Variants in MGAT4C observed in about 807,000 individuals in gnomAD.
MGAT4C encodes the protein MGAT4 family member C.
A neutral mutation model predicts 40.1 loss-of-function variants in MGAT4C; 19 were observed. The observed-to-expected ratio is 0.47, with a 90% confidence interval of 0.33 to 0.70. The LOEUF (loss-of-function observed/expected upper bound fraction) is 0.70. Among genes scored for constraint, MGAT4C ranks in the 30% least tolerant of loss-of-function variants. MGAT4C has a pLI of 0.02. For missense variants in MGAT4C, 491 were observed against 563.2 expected (o/e 0.87, Z 1.30); for synonymous variants, 181 against 187.1 (o/e 0.97, Z 0.27).
At chr12:86,664,721 C>A (rs1964062104) in intron 2 of MGAT4C, among the ~76,000 whole-genome samples, 1 of 152,022 alleles carries the variant, frequency 6.6e-6, no homozygotes, top group Non-Finnish European at 1.5e-5. Flanking sequence ...ATTAAAAAAT[C>A]TTATTATTCA....
chr12:86,549,662 G>A (rs1047244633), intron 2 of MGAT4C, among the ~76,000 whole-genome samples: 3 of 152,138 alleles, frequency 2.0e-5, no homozygotes, highest in African/African-American at 4.8e-5. Flanking sequence ...GCTGAGTAAC[G>A]TCAGCAAGAC....
In MGAT4C at chr12:86,469,467, G is replaced by C. The variant is rs150413331; in HGVS notation, c.-228-34202C>G. Among the ~76,000 whole-genome samples, 385 of 152,250 alleles carry C rather than the reference G, an allele frequency of 2.5e-3. 3 individuals carry two copies. Among genetic ancestry groups the C allele is most frequent in the Non-Finnish European group, 4.4e-3 (302 of 68,014 alleles). On this transcript the variant is annotated intron_variant, in intron 2 of 7. Coordinates refer to the MGAT4C transcript ENST00000548651. Reference sequence around the variant, plus strand: ...GCTGTCATGTTGTACTCTCTGGATAGGCACACACAGCAAGGAACTGAAGAA... The same window carrying C: ...GCTGTCATGTTGTACTCTCTGGATACGCACACACAGCAAGGAACTGAAGAA...
chr12:85,980,292 T>C lies in MGAT4C; in HGVS notation c.434A>G (p.Asn145Ser), dbSNP rs1884418049. 1.2e-6 allele frequency: 2 copies of C among 1,613,962 alleles called. No homozygotes were observed. Among genetic ancestry groups the C allele is most frequent in the Admixed American group, 1.7e-5 (1 of 59,978 alleles). ...ISVVVHLADFNSSWRDAMVQD... is the reference protein window; with the variant it reads ...ISVVVHLADFSSSWRDAMVQD... The stretch of plus-strand genomic sequence containing the variant: ...GACCATGGCATCACGCCAGGAAGAA[T>C]TAAAGTCTGCTAGGTGAACCACCAC... Residue 145 changes from asparagine to serine, a missense_variant, in exon 5 of 5, where the codon AAT (asparagine) becomes AGT (serine). By Grantham distance (46) the Asn-to-Ser change is conservative. Coordinates refer to ENST00000611864, the MANE Select transcript of MGAT4C (RefSeq NM_001351288.2).
intron 2 of MGAT4C, among the ~76,000 whole-genome samples, chr12:86,036,377 G>T (rs11503597): frequency 6.7e-6 from 1 of 149,680 alleles, no homozygotes; most frequent in East Asian, 1.9e-4. Context: ...GAGAGAGGGC[G>T]TCCGTGTCTT....
chr12:86,051,684 T>G (rs1448512626), intron 1 of MGAT4C, among the ~76,000 whole-genome samples: 1 of 151,566 alleles, frequency 6.6e-6, no homozygotes, highest in Non-Finnish European at 1.5e-5. Context: ...AGTTTTCTAA[T>G]TATTAATATT....
chr12:86,104,251 G>A (rs1366544533), intron 1 of MGAT4C, among the ~76,000 whole-genome samples: 2 of 139,024 alleles, frequency 1.4e-5, no homozygotes, highest in Non-Finnish European at 3.1e-5. Context: ...GCAAAACTCC[G>A]TCTCTACTTA....
At chr12:86,596,992 C>T (rs1160397198) in intron 2 of MGAT4C, among the ~76,000 whole-genome samples, 1 of 152,140 alleles carries the variant, frequency 6.6e-6, no homozygotes, top group Non-Finnish European at 1.5e-5. Flanking sequence ...AATGTTAAAA[C>T]AGATATCATA....
chr12:86,445,004 C>T (rs1357279285), intron 2 of MGAT4C, among the ~76,000 whole-genome samples: 1 of 152,150 alleles, frequency 6.6e-6, no homozygotes, highest in Non-Finnish European at 1.5e-5. Flanking sequence ...AGCAGATCAG[C>T]TGTTGCCTGG....
At chr12:86,002,700 T>A (rs1013430579) in intron 2 of MGAT4C, among the ~76,000 whole-genome samples, 4 of 149,346 alleles carry the variant, frequency 2.7e-5, no homozygotes, top group East Asian at 1.9e-4. Context: ...ATTCTATATA[T>A]ATAGAATATA....
At chr12:86,101,786 C>A (rs1304676348) in intron 1 of MGAT4C, among the ~76,000 whole-genome samples, 13 of 151,800 alleles carry the variant, frequency 8.6e-5, no homozygotes, top group Non-Finnish European at 1.0e-4. Context: ...GCTACTCTAC[C>A]AACTGACTTT....
chr12:86,573,852 G>A (rs1960460601), intron 2 of MGAT4C, among the ~76,000 whole-genome samples: 1 of 151,892 alleles, frequency 6.6e-6, no homozygotes, highest in East Asian at 1.9e-4. Flanking sequence ...AGAACTCATT[G>A]ATTGCATATT....
At chr12:86,184,302 G>A (rs1380286269) in intron 1 of MGAT4C, among the ~76,000 whole-genome samples, 1 of 151,684 alleles carries the variant, frequency 6.6e-6, no homozygotes, top group Non-Finnish European at 1.5e-5. Flanking sequence ...ACTTGAACCT[G>A]GGAGGCAGAA....
chr12:86,427,906 G>A (rs1407636531), intron 3 of MGAT4C, among the ~76,000 whole-genome samples: 2 of 152,144 alleles, frequency 1.3e-5, no homozygotes, highest in Non-Finnish European at 2.9e-5. Context: ...TGTAGTTCCA[G>A]CTACTCGGGA....
Position 86,357,010 on chromosome 12 carries a change from G to T in MGAT4C, c.-119-22883C>A, listed in dbSNP as rs1214456254. On this transcript the variant is annotated intron_variant, in intron 3 of 7. Transcript: ENST00000548651. ...CCACAGAGTTTGAGATCTGAGAATG[G>T]ATAGACTGCCTCCTCAAGTGTGTCC... Among the ~76,000 whole-genome samples the T allele has an allele frequency of 2.6e-5, 4 of 152,284 alleles. No homozygotes were observed. In the South Asian group the frequency reaches 6.2e-4, roughly 24 times the overall value.
chr12:86,558,173 T>C (rs1468465608), intron 2 of MGAT4C, among the ~76,000 whole-genome samples: 1 of 151,014 alleles, frequency 6.6e-6, no homozygotes, highest in Non-Finnish European at 1.5e-5. Context: ...CAAAAGAAAA[T>C]AAAAGAAAGA....
chr12:86,607,982 T>C (rs963618387), intron 2 of MGAT4C, among the ~76,000 whole-genome samples: 1 of 152,222 alleles, frequency 6.6e-6, no homozygotes, highest in South Asian at 2.1e-4. Flanking sequence ...GCAATCCTTC[T>C]CCCTCAGCCT....
intron 2 of MGAT4C, among the ~76,000 whole-genome samples, chr12:86,035,833 A>T (rs942321134): frequency 6.7e-6 from 1 of 149,962 alleles, no homozygotes; most frequent in South Asian, 2.1e-4. Context: ...TTAAATAGGG[A>T]ATCCTTTCCC....
rs577418878 is a variant in MGAT4C at position 86,602,702 on chromosome 12, G to A, written c.-229+124507C>T. 2.0e-4 allele frequency among the ~76,000 whole-genome samples: 31 copies of A among 152,192 alleles called. No homozygotes were observed. In the Middle Eastern group the frequency reaches 0.01, roughly 50 times the overall value. On this transcript the variant is annotated intron_variant, in intron 2 of 7. Transcript: ENST00000548651. ...CTGATTCGAGGTCTCCCTTACAAAT[G>A]TTTGTTCAAGAGATGTAATTATGTG...
At chr12:86,668,077 G>A (rs909769181) in intron 2 of MGAT4C, among the ~76,000 whole-genome samples, 1 of 152,198 alleles carries the variant, frequency 6.6e-6, no homozygotes, top group African/African-American at 2.4e-5. Flanking sequence ...TTGATAGATT[G>A]TGCATAATAT....
Sources: allele counts gnomAD v4.1 joint callset (sites outside exome capture counted in the v4.1 genomes callset), GRCh38; gene constraint gnomAD v4.1.1; transcripts MANE v1.5; gene names NCBI Gene and HGNC (gene_info 2026-07-23, HGNC 2026-07-21).